IQANK1: variants seen among roughly 807,000 people sequenced by gnomAD.
The protein encoded by IQANK1 is IQ motif and ankyrin repeat domain-containing protein 1.
Under a neutral mutation model 22.6 loss-of-function variants are expected in IQANK1, and 30 were observed. The observed-to-expected ratio is 1.33, with a 90% CI of 0.99 to 1.80. IQANK1 has a LOEUF of 1.80. IQANK1 is among the 40% of genes most tolerant of loss of function. The pLI, the probability that IQANK1 is intolerant of heterozygous loss-of-function variation, is 0.00. For missense variants in IQANK1, 275 were observed against 235.2 expected, an observed-to-expected ratio of 1.17 and a Z score of -1.11; for synonymous variants, 122 against 99.6, an observed-to-expected ratio of 1.23 and a Z score of -1.34.
intron 3 of IQANK1, chr8:143,744,057 C>A: frequency 3.8e-6 from 1 of 261,888 alleles, no homozygotes; most frequent in Non-Finnish European, 7.6e-6. Flanking sequence ...TGGTCTCGAT[C>A]TCTTGACCTT....
intron 7 of IQANK1, among the ~76,000 whole-genome samples, chr8:143,780,085 C>T (rs529919165): frequency 6.6e-6 from 1 of 152,222 alleles, no homozygotes; most frequent in South Asian, 2.1e-4. Context: ...CATGTAGTAA[C>T]TACCTGACTC....
At chr8:143,781,255 C>G (rs782817797) in intron 7 of IQANK1, among the ~76,000 whole-genome samples, 2 of 152,124 alleles carry the variant, frequency 1.3e-5, no homozygotes, top group African/African-American at 2.4e-5. Flanking sequence ...CAGATATGCT[C>G]TCCCATTCTG....
chr8:143,753,998 C>T (rs1412683372), intron 3 of IQANK1, among the ~76,000 whole-genome samples: 1 of 152,024 alleles, frequency 6.6e-6, no homozygotes, highest in Non-Finnish European at 1.5e-5. Flanking sequence ...AACTTACGGT[C>T]TTCTTGGGAC....
At chr8:143,763,996 G>C (rs1554629046) in intron 3 of IQANK1, among the ~76,000 whole-genome samples, 1 of 151,948 alleles carries the variant, frequency 6.6e-6, no homozygotes, top group Non-Finnish European at 1.5e-5. Flanking sequence ...CTCAAGTTTT[G>C]ATTTGGGAAT....
chr8:143,763,245 A>C (rs6981077), intron 3 of IQANK1, among the ~76,000 whole-genome samples: 9,019 of 152,096 alleles, frequency 0.059, 914 homozygotes, highest in African/African-American at 0.21. Flanking sequence ...CAAAGTCCTG[A>C]CCTCATGATC....
At chr8:143,749,606 T>C (rs1482500678) in intron 3 of IQANK1, among the ~76,000 whole-genome samples, 1 of 145,446 alleles carries the variant, frequency 6.9e-6, no homozygotes, top group Admixed American at 7.0e-5. Flanking sequence ...TTTATTTTTT[T>C]TTTTTTTGAG....
chr8:143,753,245 G>A (rs1027250218), intron 3 of IQANK1, among the ~76,000 whole-genome samples: 1 of 151,796 alleles, frequency 6.6e-6, no homozygotes, highest in South Asian at 2.1e-4. Flanking sequence ...AACTCCTGGG[G>A]TCAAGTGGCC....
At chr8:143,786,992 T>C (rs1819901521) in intron 7 of IQANK1, among the ~76,000 whole-genome samples, 1 of 152,132 alleles carries the variant, frequency 6.6e-6, no homozygotes, top group Non-Finnish European at 1.5e-5. Flanking sequence ...TGAGCTTTAT[T>C]CTGGTGGCAC....
intron 3 of IQANK1, among the ~76,000 whole-genome samples, chr8:143,740,159 C>T (rs1170838461): frequency 6.6e-6 from 1 of 152,084 alleles, no homozygotes; most frequent in African/African-American, 2.4e-5. Context: ...CCGCCGCGCC[C>T]CGCTCTCGCC....
intron 7 of IQANK1, among the ~76,000 whole-genome samples, chr8:143,780,560 G>A (rs1202847628): frequency 6.6e-6 from 1 of 152,112 alleles, no homozygotes; most frequent in Non-Finnish European, 1.5e-5. Context: ...CCGTTTACAG[G>A]TGAGAACATG....
chr8:143,766,935 A>G (rs1819491955), intron 3 of IQANK1, among the ~76,000 whole-genome samples: 1 of 152,144 alleles, frequency 6.6e-6, no homozygotes, highest in Non-Finnish European at 1.5e-5. Flanking sequence ...CACTGACTGA[A>G]ATCTCTATTC....
At chr8:143,786,526 T>C (rs1283674291) in intron 7 of IQANK1, among the ~76,000 whole-genome samples, 2 of 152,226 alleles carry the variant, frequency 1.3e-5, no homozygotes, top group Non-Finnish European at 2.9e-5. Context: ...TGTTTACCCA[T>C]TTATCTGTCC....
rs1554627351 is a variant in IQANK1 at position 143,747,647 on chromosome 8, T to TTA, written c.175+7699_175+7700insTA. Reference sequence around the variant, plus strand: ...TTGACTGTTGAAGGGTGTTTTTTTTTAAAAAAGAGTATATTGTTTAATTCC... The same window carrying TTA: ...TTGACTGTTGAAGGGTGTTTTTTTTTTAAAAAAAGAGTATATTGTTTAATTCC... On this transcript the variant is annotated intron_variant, in intron 3 of 13. Transcript: ENST00000527139. Among the ~76,000 whole-genome samples the TTA allele has an allele frequency of 5.5e-3, 839 of 151,986 alleles. 5 individuals are homozygous for TTA. The highest frequency in any genetic ancestry group is 0.019 in the African/African-American group (799 of 41,364).
At chr8:143,756,738 G>C (rs1554628517) in intron 3 of IQANK1, among the ~76,000 whole-genome samples, 1 of 151,772 alleles carries the variant, frequency 6.6e-6, no homozygotes, top group African/African-American at 2.4e-5. Flanking sequence ...AGCTGAGGCA[G>C]GAGGATTGCT....
rs550244067 is a variant in IQANK1 at position 143,779,153 on chromosome 8, CTT to C, written c.789+6672_789+6673del. 9.5e-4 allele frequency among the ~76,000 whole-genome samples: 145 copies of C among 152,220 alleles called. 1 individual carries two copies. Among genetic ancestry groups the C allele is most frequent in the African/African-American group, 3.4e-3 (142 of 41,532 alleles). On this transcript the variant is annotated intron_variant, in intron 7 of 13. Coordinates refer to ENST00000527139, the MANE Select transcript of IQANK1 (RefSeq NM_001381874.1). Reference sequence around the variant, plus strand: ...TTATAAACATATATAAATTTATAAACTTATAAGCTATCCACTCATTAATGTGC... The same window carrying C: ...TTATAAACATATATAAATTTATAAACATAAGCTATCCACTCATTAATGTGC...
At chr8:143,773,698 T>G (rs1204059651) in intron 7 of IQANK1, among the ~76,000 whole-genome samples, 1 of 152,108 alleles carries the variant, frequency 6.6e-6, no homozygotes, top group Non-Finnish European at 1.5e-5. Flanking sequence ...TCTCCTCCTG[T>G]AGGTGCTGCC....
intron 3 of IQANK1, chr8:143,741,868 T>C: frequency 1.2e-5 from 2 of 160,068 alleles, no homozygotes; most frequent in South Asian, 1.8e-4. Flanking sequence ...GCAGCCCTGC[T>C]CTCCCCACGT....
At chr8:143,780,303 C>T (rs1433908584) in intron 7 of IQANK1, among the ~76,000 whole-genome samples, 5 of 152,092 alleles carry the variant, frequency 3.3e-5, no homozygotes, top group Admixed American at 2.6e-4. Flanking sequence ...TACAAAGAAA[C>T]TTAAGCACAG....
At chr8:143,752,571 C>T (rs1237452081) in intron 3 of IQANK1, among the ~76,000 whole-genome samples, 1 of 152,140 alleles carries the variant, frequency 6.6e-6, no homozygotes, top group Non-Finnish European at 1.5e-5. Context: ...TGCATAATGA[C>T]ATTTTGGTCA....
Sources: allele counts gnomAD v4.1 joint callset (sites outside exome capture counted in the v4.1 genomes callset), GRCh38; gene constraint gnomAD v4.1.1; transcripts MANE v1.5; gene names NCBI Gene and HGNC (gene_info 2026-07-23, HGNC 2026-07-21).